ADAM18: variants seen among roughly 807,000 people sequenced by gnomAD.
ADAM18 encodes the protein ADAM metallopeptidase domain 18.
In ADAM18, 117 loss-of-function variants were observed where a neutral mutation model predicts 94.4. The observed-to-expected ratio is 1.24, with a 90% CI of 1.07 to 1.45. The LOEUF (loss-of-function observed/expected upper bound fraction) is 1.45, where lower values mean the gene tolerates loss of function less well. Among genes scored for constraint, ADAM18 ranks in the 40% most tolerant of loss-of-function variants. The pLI, the probability that ADAM18 is intolerant of heterozygous loss-of-function variation, is 0.00. For synonymous variants in ADAM18, 327 were observed against 291.6 expected, an observed-to-expected ratio of 1.12 and a Z score of -1.24; for missense variants, 936 against 880.0, an observed-to-expected ratio of 1.06 and a Z score of -0.81.
At chr8:39,674,590 G>C (rs904279555) in intron 14 of ADAM18, among the ~76,000 whole-genome samples, 2 of 152,132 alleles carry the variant, frequency 1.3e-5, no homozygotes, top group African/African-American at 4.8e-5. Context: ...GCCAGTCTGT[G>C]TCTTTTAACT....
intron 17 of ADAM18, among the ~76,000 whole-genome samples, chr8:39,702,593 A>G (rs1163078728): frequency 6.6e-6 from 1 of 152,106 alleles, no homozygotes; most frequent in East Asian, 1.9e-4. Flanking sequence ...CCTAGGTCTT[A>G]TTCCAAGGTT....
chr8:39,646,730 CT>C (rs1820389000), intron 11 of ADAM18, among the ~76,000 whole-genome samples: 3 of 151,988 alleles, frequency 2.0e-5, no homozygotes, highest in Non-Finnish European at 2.9e-5. Context: ...CCTAGATATA[CT>C]AGTGGAAATA....
chr8:39,626,323 T>C (rs1367155302), intron 6 of ADAM18, among the ~76,000 whole-genome samples: 1 of 152,122 alleles, frequency 6.6e-6, no homozygotes, highest in Admixed American at 6.5e-5. Context: ...GAACTAATGG[T>C]CTATTAGTTT....
chr8:39,599,717 A>T (rs1309722927), intron 2 of ADAM18, among the ~76,000 whole-genome samples: 1 of 152,032 alleles, frequency 6.6e-6, no homozygotes, highest in Non-Finnish European at 1.5e-5. Flanking sequence ...GCATATTCTT[A>T]TTATCCATTG....
intron 16 of ADAM18, among the ~76,000 whole-genome samples, chr8:39,687,646 G>A (rs13277716): frequency 0.62 from 93,498 of 151,930 alleles, 30,998 homozygotes; most frequent in Middle Eastern, 0.76. Flanking sequence ...AGCAGTCCCA[G>A]TATCTATTGT....
At chr8:39,684,993 AC>A (rs1191471628) in intron 16 of ADAM18, 1 of 151,724 alleles carries the variant, frequency 6.6e-6, no homozygotes, top group African/African-American at 2.4e-5. Flanking sequence ...ATTAATCACA[AC>A]CCCCTCACTC....
At chr8:39,716,542 C>T (rs976114248) in intron 18 of ADAM18, among the ~76,000 whole-genome samples, 1 of 151,888 alleles carries the variant, frequency 6.6e-6, no homozygotes, top group Admixed American at 6.6e-5. Context: ...CTTACATCCC[C>T]TTGTGATCTG....
intron 14 of ADAM18, among the ~76,000 whole-genome samples, chr8:39,672,417 A>G (rs1821181041): frequency 1.3e-5 from 2 of 152,206 alleles, no homozygotes; most frequent in Non-Finnish European, 2.9e-5. Context: ...TGTTATAAGC[A>G]GTAGATATGC....
intron 18 of ADAM18, among the ~76,000 whole-genome samples, chr8:39,713,038 C>A (rs1264432905): frequency 6.6e-6 from 1 of 151,984 alleles, no homozygotes; most frequent in Non-Finnish European, 1.5e-5. Context: ...GACTTCCAAC[C>A]ATACTACAAG....
At chr8:39,702,207 T>C (rs1822101381) in intron 17 of ADAM18, among the ~76,000 whole-genome samples, 1 of 152,224 alleles carries the variant, frequency 6.6e-6, no homozygotes, top group South Asian at 2.1e-4. Flanking sequence ...GGTATCTCAT[T>C]GTGGTCTTGA....
intron 7 of ADAM18, among the ~76,000 whole-genome samples, chr8:39,632,493 T>C (rs1265782139): frequency 1.3e-5 from 2 of 152,132 alleles, no homozygotes; most frequent in Non-Finnish European, 2.9e-5. Context: ...ACCATACTTG[T>C]GTTTCTAAAA....
intron 16 of ADAM18, among the ~76,000 whole-genome samples, chr8:39,692,064 G>C (rs1472702497): frequency 6.6e-6 from 1 of 151,524 alleles, no homozygotes; most frequent in East Asian, 1.9e-4. Context: ...CACATATCTG[G>C]GTGATTATTC....
Position 39,704,083 on chromosome 8 carries a change from CA to C in ADAM18, c.1903-2700del, listed in dbSNP as rs1374345470. On this transcript the variant is annotated intron_variant, in intron 17 of 19. Transcript: ENST00000265707. Reference sequence around the variant, plus strand: ...GGGCAGTAATAAATAGCCTACCAACCAAAAAAAGCCCAGGACGATAGATTCA... The same window carrying C: ...GGGCAGTAATAAATAGCCTACCAACCAAAAAAGCCCAGGACGATAGATTCA... Among the ~76,000 whole-genome samples the C allele has an allele frequency of 3.8e-4, 57 of 151,794 alleles. No individual in the cohort carries two copies. The East Asian group carries it at 0.01, about 28-fold the overall frequency.
chr8:39,689,052 T>C (rs1305733965), intron 16 of ADAM18, among the ~76,000 whole-genome samples: 2 of 152,158 alleles, frequency 1.3e-5, no homozygotes, highest in African/African-American at 4.8e-5. Context: ...CACTTTTTAA[T>C]GGCTTTTTTT....
intron 14 of ADAM18, among the ~76,000 whole-genome samples, chr8:39,670,131 TC>T (rs1272138505): frequency 6.6e-6 from 1 of 152,218 alleles, no homozygotes; most frequent in African/African-American, 2.4e-5. Flanking sequence ...AAATGTCTGT[TC>T]ATATCCTTCA....
intron 7 of ADAM18, among the ~76,000 whole-genome samples, chr8:39,634,083 C>T (rs1436543620): frequency 6.6e-6 from 1 of 152,112 alleles, no homozygotes; most frequent in Admixed American, 6.6e-5. Context: ...CTTATAGGAC[C>T]TTGAGACTTG....
chr8:39,721,257 A>G (rs1024846347), intron 18 of ADAM18, among the ~76,000 whole-genome samples: 3 of 151,562 alleles, frequency 2.0e-5, no homozygotes, highest in African/African-American at 7.2e-5. Flanking sequence ...CAACATATAC[A>G]AGAATTAACT....
At chr8:39,610,918 A>T in intron 6 of ADAM18, 1 of 1,216,350 alleles carries the variant, frequency 8.2e-7, no homozygotes, top group Non-Finnish European at 1.0e-6. Flanking sequence ...ATGTAACATT[A>T]ATTTTTATAT....
chr8:39,724,733 A>G (rs1822852687), intron 19 of ADAM18, among the ~76,000 whole-genome samples: 3 of 151,746 alleles, frequency 2.0e-5, no homozygotes. Flanking sequence ...TGCATTCTAT[A>G]CGTTTTGATA....
Sources: gnomAD v4.1 joint callset for allele counts (sites outside exome capture counted in the v4.1 genomes callset) on GRCh38, gnomAD v4.1.1 for gene constraint, MANE v1.5 for transcripts, NCBI Gene and HGNC (gene_info 2026-07-23, HGNC 2026-07-21) for gene names.